FAM135B: variants seen among roughly 807,000 people sequenced by gnomAD.
The protein encoded by FAM135B is family with sequence similarity 135 member B, also known as protein FAM135B.
FAM135B carries 43 observed loss-of-function variants against 127.7 expected under a neutral mutation model. That is an observed-to-expected ratio of 0.34 (90% confidence interval 0.26 to 0.43). FAM135B has a LOEUF of 0.43. FAM135B is among the 20% of genes least tolerant of loss of function. The pLI is 1.00. For missense variants in FAM135B, 1,558 were observed against 1,725.6 expected (o/e 0.90, Z 1.72); for synonymous variants, 670 against 665.1 (o/e 1.01, Z -0.11).
At chr8:138,173,237 A>G (rs1814087101) in intron 11 of FAM135B, among the ~76,000 whole-genome samples, 1 of 152,226 alleles carries the variant, frequency 6.6e-6, no homozygotes, top group Non-Finnish European at 1.5e-5. Context: ...GTCCGGGCTT[A>G]TGCTGTCGGA....
chr8:138,240,977 A>G (rs950068624), intron 7 of FAM135B, among the ~76,000 whole-genome samples: 1 of 152,170 alleles, frequency 6.6e-6, no homozygotes, highest in African/African-American at 2.4e-5. Flanking sequence ...GTAGATTCTG[A>G]CGTTCTGAGG....
rs1372289582 is a variant in FAM135B, at chr8:138,266,683, C to T, written c.158-841G>A. On this transcript the variant is annotated intron_variant, in intron 3 of 19. Transcript: ENST00000395297. ...TATTATTCTAAAATAAATAGCACTG[C>T]CCAGGGTTATTGTGGGGGAACAAAT... Among the ~76,000 whole-genome samples, 6 of 145,304 alleles carry T rather than the reference C, an allele frequency of 4.1e-5. 1 individual carries two copies. The South Asian group carries it at 1.1e-3, about 27-fold the overall frequency.
At chr8:138,478,958 A>T (rs2131677834) in intron 1 of FAM135B, among the ~76,000 whole-genome samples, 1 of 152,322 alleles carries the variant, frequency 6.6e-6, no homozygotes, top group African/African-American at 2.4e-5. Flanking sequence ...TCCAGTTGTC[A>T]TCTGTGCCTC....
At chr8:138,433,481 C>A (rs1348296500) in intron 1 of FAM135B, among the ~76,000 whole-genome samples, 3 of 151,586 alleles carry the variant, frequency 2.0e-5, no homozygotes, top group Non-Finnish European at 4.4e-5. Flanking sequence ...AGAGATCATG[C>A]CACTGCCCTC....
rs938553796 is a variant in FAM135B at position 138,132,224 on chromosome 8, C to A, written c.*369G>T. 4.1e-6 allele frequency: 1 copy of A among 241,734 alleles called. No homozygotes were observed. Among genetic ancestry groups the A allele is most frequent in the Non-Finnish European group, 8.2e-6 (1 of 122,148 alleles). 15.0% of individuals were successfully genotyped at this position (241,734 alleles called of 1,614,324 possible). On this transcript the variant is annotated 3_prime_UTR_variant, in exon 20 of 20. Coordinates refer to ENST00000395297, the MANE Select transcript of FAM135B (RefSeq NM_015912.4). This position sits in a 1 kb window ranked among gnomAD's most constrained non-coding sequence, Gnocchi z 4.5. ...TAATCAGAAATGATAAAGCTATAAG[C>A]TAGTAACATATTCGGCAAGTCTAGT...
Position 138,265,861 on chromosome 8 carries a change from T to C in FAM135B, c.158-19A>G, listed in dbSNP as rs150534519. The C allele has an allele frequency of 1.4e-5, 23 of 1,611,320 alleles. No individual in the cohort carries two copies. In the East Asian group the frequency reaches 4.9e-4, roughly 34 times the overall value. ...CTGCTCTCTGCAAAACAAGAATCAGTAGGAACCCATGAACTCCAATACTGT... is the reference window on the plus strand; with the variant it reads ...CTGCTCTCTGCAAAACAAGAATCAGCAGGAACCCATGAACTCCAATACTGT... On this transcript the variant is annotated intron_variant, in intron 3 of 19. Transcript: ENST00000395297.
intron 1 of FAM135B, among the ~76,000 whole-genome samples, chr8:138,421,876 G>C (rs563053154): frequency 6.6e-6 from 1 of 152,170 alleles, no homozygotes; most frequent in African/African-American, 2.4e-5. Context: ...TTACCCAATT[G>C]CAAACTGCAC....
intron 1 of FAM135B, among the ~76,000 whole-genome samples, chr8:138,462,322 CTG>C (rs1177759101): frequency 1.3e-5 from 2 of 152,096 alleles, no homozygotes; most frequent in South Asian, 2.1e-4. Context: ...GTTTTCGTAA[CTG>C]TGCAGAATAC....
intron 1 of FAM135B, among the ~76,000 whole-genome samples, chr8:138,417,041 G>C (rs1834203030): frequency 6.6e-6 from 1 of 152,194 alleles, no homozygotes; most frequent in South Asian, 2.1e-4. Context: ...GGCAGAGACA[G>C]AACTCCAGCC....
chr8:138,174,813 C>T (rs1005365895), intron 11 of FAM135B, among the ~76,000 whole-genome samples: 1 of 152,098 alleles, frequency 6.6e-6, no homozygotes, highest in Non-Finnish European at 1.5e-5. Context: ...CTCTGTTCCT[C>T]TCACAGCGAT....
chr8:138,353,022 C>A (rs1372264737), intron 2 of FAM135B, among the ~76,000 whole-genome samples: 1 of 152,142 alleles, frequency 6.6e-6, no homozygotes, highest in Admixed American at 6.5e-5. Context: ...CCTCTCCCTG[C>A]TACAATCTGC....
chr8:138,142,590 C>T (rs1169331453), intron 16 of FAM135B, among the ~76,000 whole-genome samples: 6 of 152,186 alleles, frequency 3.9e-5, no homozygotes, highest in Admixed American at 6.5e-5. Context: ...AGGTGTGAGC[C>T]ACCGCGCCCG....
intron 1 of FAM135B, among the ~76,000 whole-genome samples, chr8:138,391,462 C>T (rs1051562998): frequency 1.3e-5 from 2 of 152,116 alleles, no homozygotes; most frequent in African/African-American, 2.4e-5. Context: ...GTTTCCAGAA[C>T]AGTCAAGCCA....
At chr8:138,261,694 G>A (rs191817344) in intron 4 of FAM135B, among the ~76,000 whole-genome samples, 1 of 152,080 alleles carries the variant, frequency 6.6e-6, no homozygotes. Flanking sequence ...ACATCTCCTC[G>A]TACACCTTAA....
chr8:138,343,948 C>G (rs1829225955), intron 2 of FAM135B, among the ~76,000 whole-genome samples: 1 of 152,150 alleles, frequency 6.6e-6, no homozygotes. Flanking sequence ...CTGCCTGACC[C>G]TTTCACCCAA....
At chr8:138,199,212 C>A (rs997934536) in intron 7 of FAM135B, among the ~76,000 whole-genome samples, 1 of 152,178 alleles carries the variant, frequency 6.6e-6, no homozygotes, top group Admixed American at 6.5e-5. Context: ...CAGATAATGA[C>A]GGGCACTATT....
chr8:138,282,185 C>A (rs147251864), intron 3 of FAM135B, among the ~76,000 whole-genome samples: 4 of 152,206 alleles, frequency 2.6e-5, no homozygotes, highest in Admixed American at 2.6e-4. Context: ...TTCAAAGATA[C>A]CATACATTTA....
intron 8 of FAM135B, 136 bp from the exon 9 acceptor site, chr8:138,195,443 C>T: frequency 1.3e-6 from 1 of 762,206 alleles, no homozygotes; most frequent in Non-Finnish European, 2.2e-6. Flanking sequence ...GACCTTCTAC[C>T]TATTCTAACT....
chr8:138,165,100 A>T (rs766704688), intron 12 of FAM135B, among the ~76,000 whole-genome samples: 69 of 150,300 alleles, frequency 4.6e-4, no homozygotes, highest in Non-Finnish European at 7.7e-4. Context: ...AGAGGGAATG[A>T]ATTTATTTAT....
Sources: gnomAD v4.1 joint callset for allele counts (sites outside exome capture counted in the v4.1 genomes callset) on GRCh38, gnomAD v4.1.1 for gene constraint, Gnocchi (gnomAD v3.1) non-coding constraint, MANE v1.5 for transcripts, NCBI Gene and HGNC (gene_info 2026-07-23, HGNC 2026-07-21) for gene names.